The following ZNF227 variants were observed in gnomAD, a reference collection of about 807,000 sequenced individuals.
ZNF227 encodes zinc finger protein 227.
Under a neutral mutation model 13.2 loss-of-function variants are expected in ZNF227, and 12 were observed. The ratio of observed to expected loss-of-function variants is 0.91; its 90% CI spans 0.58 to 1.47. The LOEUF is 1.47. Ranked by LOEUF, ZNF227 falls within the 40% of genes most tolerant of loss-of-function variation. The probability of loss-of-function intolerance (pLI) is 0.00; values close to 1 mark genes in which losing one functional copy is unlikely to be tolerated. For synonymous variants in ZNF227, 338 were observed against 326.0 expected, an observed-to-expected ratio of 1.04 and a Z score of -0.40; for missense variants, 885 against 967.5, an observed-to-expected ratio of 0.91 and a Z score of 1.13.
At chr19:44,228,918 C>T in intron 4 of ZNF227, 1 of 341,944 alleles carries the variant, frequency 2.9e-6, no homozygotes, top group South Asian at 1.5e-4. Flanking sequence ...GTGCCCCCAA[C>T]AGAGAATTGG....
chr19:44,226,492 C>G (rs1973179702), intron 3 of ZNF227, among the ~76,000 whole-genome samples: 1 of 152,224 alleles, frequency 6.6e-6, no homozygotes. Context: ...GCGCCCTCCC[C>G]CAGCCTCGCT....
chr19:44,232,945 A>T (rs1029207365), intron 5 of ZNF227, among the ~76,000 whole-genome samples: 2 of 152,182 alleles, frequency 1.3e-5, no homozygotes, highest in South Asian at 2.1e-4. Flanking sequence ...TGCTGGGATT[A>T]CAGGTGTGAG....
Position 44,236,979 on chromosome 19 carries a change from TAACAC to T in ZNF227, c.*151_*155del. 1.5e-6 allele frequency: 1 copy of T among 646,690 alleles called. No individual in the cohort carries two copies. Among genetic ancestry groups the T allele is most frequent in the Non-Finnish European group, 2.6e-6 (1 of 386,446 alleles). The allele number at this position is 646,690 out of a possible 1,614,324, so 40.1% of individuals were successfully genotyped here. A position where few individuals can be genotyped will look rare whatever the true frequency, so the allele number is the denominator to read the frequency against. On this transcript the variant is annotated 3_prime_UTR_variant, in exon 6 of 6. Coordinates refer to ENST00000313040, the MANE Select transcript of ZNF227 (RefSeq NM_182490.3). ...CTTTCTAACAAATCCATCAAGATGA[TAACAC>T]AGAACCATGAACAGGAATAGAACTC...
At chr19:44,226,560 C>T (rs1973190051) in intron 3 of ZNF227, among the ~76,000 whole-genome samples, 1 of 152,206 alleles carries the variant, frequency 6.6e-6, no homozygotes, top group Admixed American at 6.5e-5. Context: ...ACTCTGTGGG[C>T]GTAGGACCCT....
upstream of ZNF227, chr19:44,207,581 A>G (rs1014689936): frequency 2.6e-5 from 4 of 152,250 alleles, no homozygotes; most frequent in Non-Finnish European, 5.9e-5. Context: ...TAGGAGGGCG[A>G]AAACAAGTGT....
Position 44,228,633 on chromosome 19 carries a change from G to A in ZNF227, c.187+61G>A, listed in dbSNP as rs534173391. On this transcript the variant is annotated intron_variant, in intron 4 of 5. Transcript: ENST00000313040. Reference sequence around the variant, plus strand: ...TCCCTTGAGAATCTCTTTGCTCTCAGGTGTTTAAGGGTTTGGACCTTTTAA... The same window carrying A: ...TCCCTTGAGAATCTCTTTGCTCTCAAGTGTTTAAGGGTTTGGACCTTTTAA... 9 of 1,517,170 alleles carry A rather than the reference G, an allele frequency of 5.9e-6. No individual in the cohort carries two copies. The East Asian group carries it at 1.7e-4, about 29-fold the overall frequency. The allele number at this position is 1,517,170 out of a possible 1,614,324, so 94.0% of individuals were successfully genotyped here.
At chr19:44,208,904 T>C (rs1971274231), upstream of ZNF227, among the ~76,000 whole-genome samples, 1 of 152,182 alleles carries the variant, frequency 6.6e-6, no homozygotes, top group Admixed American at 6.5e-5. Flanking sequence ...TTACCCATAT[T>C]CACTGCTGTA....
rs549004048 is a variant in ZNF227, at chr19:44,215,975, C to T, written c.-2-1816C>T. On this transcript the variant is annotated intron_variant, in intron 2 of 5. Transcript: ENST00000313040. ...TGCACTCCAGCCTGGGTGACAAGAG[C>T]GAAACTCTCTCTCTAAAAAAAAAAA... Among the ~76,000 whole-genome samples the T allele has an allele frequency of 4.5e-5, 5 of 111,508 alleles. No individual in the cohort carries two copies. The South Asian group carries it at 7.8e-4, about 17-fold the overall frequency. 73.2% of individuals were successfully genotyped at this position (111,508 alleles called of 152,430 possible). A position where few individuals can be genotyped will look rare whatever the true frequency, so the allele number is the denominator to read the frequency against.
chr19:44,235,619 G>GT lies in ZNF227; in HGVS notation c.1191dup (p.His398SerfsTer8). On this transcript the variant is annotated frameshift_variant, in exon 6 of 6. Transcript: ENST00000313040. LOFTEE classifies it low-confidence loss of function (END_TRUNC). ...CTTCGGTTGGAGTGTTAATCTCCGT[G>GT]TTCACCAGAGGGTCCACAGGGGTGA... 1 of 1,613,918 alleles carries GT rather than the reference G, an allele frequency of 6.2e-7. No individual in the cohort carries two copies. The highest frequency in any genetic ancestry group is 8.5e-7 in the Non-Finnish European group (1 of 1,179,964).
chr19:44,221,607 T>C (rs1416753244), intron 3 of ZNF227, among the ~76,000 whole-genome samples: 4 of 152,112 alleles, frequency 2.6e-5, no homozygotes, highest in Non-Finnish European at 5.9e-5. Flanking sequence ...TTTGATGGGG[T>C]TGTTTGCTTT....
Position 44,236,028 on chromosome 19 carries a change from C to T in ZNF227, c.1598C>T (p.Ser533Leu), listed in dbSNP as rs768623418. ...ETCGKGFSQS[S>L]KLQTHQRVHT... ...TGTGGGAAGGGCTTCAGTCAGTCCT[C>T]AAAGCTTCAAACCCATCAGCGAGTC... Residue 533 changes from serine to leucine, a missense_variant, in exon 6 of 6, where the codon TCA becomes TTA. Ser to Leu is a moderately radical substitution (Grantham distance 145). Coordinates refer to ENST00000313040, the MANE Select transcript of ZNF227 (RefSeq NM_182490.3). The T allele has an allele frequency of 2.5e-6, 4 of 1,613,830 alleles. No individual in the cohort carries two copies. Among genetic ancestry groups the T allele is most frequent in the Non-Finnish European group, 3.4e-6 (4 of 1,179,980 alleles).
intron 4 of ZNF227, chr19:44,229,254 A>C (rs373635484): frequency 6.6e-6 from 1 of 152,346 alleles, no homozygotes. Context: ...TATTATATAT[A>C]TATGAACTAG....
chr19:44,235,599 G>T lies in ZNF227; in HGVS notation c.1169G>T (p.Gly390Val), dbSNP rs1434632936. The change falls in exon 6 of 6, where the codon GGT (glycine) becomes GTT (valine). Residue 390 changes from glycine (G) to valine (V), a missense_variant. Physicochemically the swap from Gly to Val is moderately radical, Grantham distance 109 (BLOSUM62 -3). Transcript: ENST00000313040. ...YKCEECGKGF[G>V]WSVNLRVHQR... ...TGCGAAGAGTGTGGTAAGGGCTTCG[G>T]TTGGAGTGTTAATCTCCGTGTTCAC... 1.7e-5 allele frequency: 28 copies of T among 1,614,094 alleles called. No individual in the cohort carries two copies. Among genetic ancestry groups the T allele is most frequent in the Non-Finnish European group, 2.3e-5 (27 of 1,180,008 alleles).
At chr19:44,212,067 T>TA (rs1226777391), upstream of ZNF227, among the ~76,000 whole-genome samples, 2 of 151,772 alleles carry the variant, frequency 1.3e-5, no homozygotes, top group Non-Finnish European at 1.5e-5. Context: ...TTTTTATATT[T>TA]TTAGTAGAGA....
At chr19:44,220,533 ATGAT>A (rs1247592306) in intron 3 of ZNF227, among the ~76,000 whole-genome samples, 1 of 152,066 alleles carries the variant, frequency 6.6e-6, no homozygotes, top group Non-Finnish European at 1.5e-5. Flanking sequence ...CATCTATACA[ATGAT>A]TGATCCAGCT....
chr19:44,229,605 C>G (rs1015108748), intron 4 of ZNF227, 128 bp from the exon 5 acceptor site: 1 of 451,270 alleles, frequency 2.2e-6, no homozygotes, highest in Non-Finnish European at 3.5e-6. Flanking sequence ...GAGTGAGACT[C>G]TGTCTCAAAA....
chr19:44,229,758 G>T lies in ZNF227; in HGVS notation c.213G>T (p.Met71Ile), dbSNP rs1435383584. 3 of 1,588,350 alleles carry T rather than the reference G, an allele frequency of 1.9e-6. No homozygotes were observed. Among genetic ancestry groups the T allele is most frequent in the Non-Finnish European group, 1.7e-6 (2 of 1,163,024 alleles). The change falls in exon 5 of 6, where the codon ATG becomes ATT. Residue 71 changes from methionine (M) to isoleucine (I), a missense_variant. Met to Ile is a conservative substitution (Grantham distance 10). Coordinates refer to ENST00000313040, the MANE Select transcript of ZNF227 (RefSeq NM_182490.3). ...AVGHLPFQPDMVSQLEAEEKL... is the reference protein window; with the variant it reads ...AVGHLPFQPDIVSQLEAEEKL... ...GGCATCTTCCCTTCCAACCAGATAT[G>T]GTATCCCAATTGGAAGCAGAAGAAA...
In ZNF227 at chr19:44,234,698, A is replaced by G. The variant is rs748815505; in HGVS notation, c.272-4A>G. ...TAAATATTGCCTTTTTTCTTTTTTAATAGGCAGCAAGCATCAAAATAAGAT... is the reference window on the plus strand; with the variant it reads ...TAAATATTGCCTTTTTTCTTTTTTAGTAGGCAGCAAGCATCAAAATAAGAT... On this transcript the variant is annotated splice_polypyrimidine_tract_variant and splice_region_variant and intron_variant, in intron 5 of 5. Transcript: ENST00000313040. 7.7e-6 allele frequency: 12 copies of G among 1,565,744 alleles called. No individual in the cohort carries two copies. The African/African-American group carries it at 1.5e-4, about 20-fold the overall frequency.
intron 2 of ZNF227, among the ~76,000 whole-genome samples, chr19:44,215,563 C>T (rs927196120): frequency 3.3e-5 from 5 of 151,010 alleles, no homozygotes. Context: ...TTTATTTGTG[C>T]TCAACTGGTC....
Sources: allele counts gnomAD v4.1 joint callset (sites outside exome capture counted in the v4.1 genomes callset), GRCh38; gene constraint gnomAD v4.1.1; transcripts MANE v1.5; gene names NCBI Gene and HGNC (gene_info 2026-07-23, HGNC 2026-07-21).